The following FRG1 variants were observed in gnomAD, a reference collection of about 807,000 sequenced individuals.
The protein encoded by FRG1 is protein FRG1.
FRG1 carries 19 observed loss-of-function variants against 37.0 expected under a neutral mutation model. The observed-to-expected ratio is 0.51, with a 90% CI of 0.36 to 0.75. The LOEUF (loss-of-function observed/expected upper bound fraction) is 0.75, where lower values mean the gene tolerates loss of function less well. Among genes scored for constraint, FRG1 ranks in the 30% least tolerant of loss-of-function variants. The probability of loss-of-function intolerance (pLI) is 0.00; values close to 1 mark genes in which losing one functional copy is unlikely to be tolerated. For synonymous variants in FRG1, 73 were observed against 96.5 expected (o/e 0.76, Z 1.43); for missense variants, 243 against 301.4 (o/e 0.81, Z 1.44).
At chr4:189,954,616 A>G (rs1484968748) in intron 4 of FRG1, among the ~76,000 whole-genome samples, 1 of 147,694 alleles carries the variant, frequency 6.8e-6, no homozygotes, top group African/African-American at 2.5e-5. Context: ...TTTTAAAGGC[A>G]CAGAGTCTCA....
At chr4:189,943,052 A>G (rs1736384030) in intron 1 of FRG1, 150 bp from the exon 2 acceptor site, 1 of 772,460 alleles carries the variant, frequency 1.3e-6, no homozygotes, top group Admixed American at 3.0e-5. Context: ...ACTTCTCAGT[A>G]CTGTATTTAA....
rs575897080 is a variant in FRG1, at chr4:189,941,222, C to T, written c.62+151C>T. The T allele has an allele frequency of 8.9e-4, 631 of 706,098 alleles. 9 individuals carry two copies. The South Asian group carries it at 0.011, about 12-fold the overall frequency. 43.7% of individuals were successfully genotyped at this position (706,098 alleles called of 1,614,324 possible). On this transcript the variant is annotated intron_variant, in intron 1 of 8. Transcript: ENST00000226798. ...CTGTCCGGGCTGGACGGAGGCCGGGCCGCGGTTCCCGGCGTCTGTGCAGAG... is the reference window on the plus strand; with the variant it reads ...CTGTCCGGGCTGGACGGAGGCCGGGTCGCGGTTCCCGGCGTCTGTGCAGAG...
rs541845470 is a variant in FRG1 at position 189,950,720 on chromosome 4, A to G, written c.134-1442A>G. ...ACTATTCCATACATAGAAGAATATA[A>G]TGAGTCCCCCATGTGCCCAGGCCCC... On this transcript the variant is annotated intron_variant, in intron 2 of 8. Transcript: ENST00000226798. 2.0e-5 allele frequency among the ~76,000 whole-genome samples: 3 copies of G among 152,288 alleles called. No homozygotes were observed. The South Asian group carries it at 6.2e-4, about 32-fold the overall frequency.
intron 2 of FRG1, among the ~76,000 whole-genome samples, chr4:189,951,360 A>G (rs1389621220): frequency 2.0e-5 from 3 of 151,814 alleles, no homozygotes; most frequent in Admixed American, 1.3e-4. Context: ...GCATGGTGAT[A>G]GGCGCCTGTA....
At chr4:189,954,231 C>T (rs893390434) in intron 4 of FRG1, among the ~76,000 whole-genome samples, 1 of 151,914 alleles carries the variant, frequency 6.6e-6, no homozygotes, top group Admixed American at 6.6e-5. Flanking sequence ...TGATACAAAA[C>T]ATACTCTGTT....
chr4:189,942,919 A>G (rs1736379697), intron 1 of FRG1, among the ~76,000 whole-genome samples: 1 of 152,182 alleles, frequency 6.6e-6, no homozygotes, highest in South Asian at 2.1e-4. Context: ...TGACTCAGAG[A>G]GATTCAGTAC....
At chr4:189,956,038 G>C (rs1200518864) in intron 5 of FRG1, among the ~76,000 whole-genome samples, 1 of 152,160 alleles carries the variant, frequency 6.6e-6, no homozygotes, top group Non-Finnish European at 1.5e-5. Flanking sequence ...TCTTAACTCA[G>C]TGACTTGAAA....
intron 2 of FRG1, among the ~76,000 whole-genome samples, chr4:189,947,119 G>A (rs1232028924): frequency 6.6e-6 from 1 of 152,264 alleles, no homozygotes; most frequent in Non-Finnish European, 1.5e-5. Context: ...GCGGGATCCA[G>A]GCGTGAGCCG....
At chr4:189,956,181 C>CT (rs1248513808) in intron 5 of FRG1, among the ~76,000 whole-genome samples, 1 of 151,602 alleles carries the variant, frequency 6.6e-6, no homozygotes, top group Non-Finnish European at 1.5e-5. Flanking sequence ...TTCTTATTCT[C>CT]TTTTACCCCT....
Position 189,955,025 on chromosome 4 carries a change from A to G in FRG1, c.318-12A>G. ...TCAGTCTTTAACTTTTATCTATGTT[A>G]TTAATGTACAGAATCGCCCTGAAGT... is the stretch of plus-strand genomic sequence containing the variant. On this transcript the variant is annotated splice_polypyrimidine_tract_variant and intron_variant, in intron 4 of 8. Coordinates refer to ENST00000226798, the MANE Select transcript of FRG1 (RefSeq NM_004477.3). 6.6e-7 allele frequency: 1 copy of G among 1,514,412 alleles called. No homozygotes were observed. Among genetic ancestry groups the G allele is most frequent in the Non-Finnish European group, 9.2e-7 (1 of 1,090,030 alleles). 93.8% of individuals were successfully genotyped at this position (1,514,412 alleles called of 1,614,324 possible).
intron 2 of FRG1, among the ~76,000 whole-genome samples, chr4:189,946,780 C>T (rs542647602): frequency 6.6e-6 from 1 of 152,122 alleles, no homozygotes; most frequent in South Asian, 2.1e-4. Context: ...GGAGAACATA[C>T]TTTCTTAGTG....
intron 2 of FRG1, among the ~76,000 whole-genome samples, chr4:189,944,336 C>G (rs1442385115): frequency 6.6e-6 from 1 of 152,104 alleles, no homozygotes; most frequent in Admixed American, 6.6e-5. Context: ...GCCACCACAC[C>G]CGGCTAATTT....
intron 6 of FRG1, among the ~76,000 whole-genome samples, chr4:189,958,814 A>G (rs1055194156): frequency 6.6e-6 from 1 of 152,136 alleles, no homozygotes; most frequent in African/African-American, 2.4e-5. Flanking sequence ...CTGATCTTTA[A>G]TGATAAACAT....
intron 4 of FRG1, among the ~76,000 whole-genome samples, chr4:189,953,982 G>A (rs928377513): frequency 3.3e-5 from 5 of 152,032 alleles, no homozygotes; most frequent in African/African-American, 9.7e-5. Context: ...CTCTTCATAT[G>A]TATCTTGTAT....
At position 189,940,910 on chromosome 4, in the gene FRG1, T is replaced by C; in HGVS notation, c.-100T>C. On this transcript the variant is annotated 5_prime_UTR_variant, in exon 1 of 9. Transcript: ENST00000226798. ...ACGTAGGCTGTCAGGGAGTGTTTAT[T>C]TCGCGTCCGCTTCTGTTTCTCCGCG... 1 of 876,150 alleles carries C rather than the reference T, an allele frequency of 1.1e-6. No homozygotes were observed. The highest frequency in any genetic ancestry group is 1.5e-5 in the South Asian group (1 of 65,874). The allele number at this position is 876,150 out of a possible 1,614,324, so 54.3% of individuals were successfully genotyped here.
chr4:189,944,023 A>G (rs77525244), intron 2 of FRG1, among the ~76,000 whole-genome samples: 22 of 152,302 alleles, frequency 1.4e-4, no homozygotes, highest in African/African-American at 5.3e-4. Flanking sequence ...ATATAAGAAA[A>G]TGCCAAAAGT....
At chr4:189,945,687 G>A (rs1309065025) in intron 2 of FRG1, among the ~76,000 whole-genome samples, 6 of 152,078 alleles carry the variant, frequency 3.9e-5, no homozygotes, top group Non-Finnish European at 8.8e-5. Context: ...CTATATTGGT[G>A]TTGATGGGAG....
In FRG1 at chr4:189,941,027, C is replaced by T. The variant is rs2411530; in HGVS notation, c.18C>T (p.Tyr6=). The change falls in exon 1 of 9, where the codon TAC becomes TAT. Residue 6 remains tyrosine (Y), a synonymous_variant. Coordinates refer to ENST00000226798, the MANE Select transcript of FRG1 (RefSeq NM_004477.3). The part of the protein sequence containing the change: MAEYS[Y]VKSTKLVLKG... ...CCGGAGCCATGGCCGAGTACTCCTA[C>T]GTGAAGTCTACCAAGCTCGTGCTCA... 0.34 allele frequency: 545,126 copies of T among 1,609,102 alleles called. 100,625 individuals carry two copies. Among genetic ancestry groups the T allele is most frequent in the African/African-American group, 0.74 (55,034 of 74,844 alleles).
At chr4:189,947,956 A>G (rs1561066202) in intron 2 of FRG1, among the ~76,000 whole-genome samples, 1 of 152,170 alleles carries the variant, frequency 6.6e-6, no homozygotes, top group African/African-American at 2.4e-5. Flanking sequence ...TCCTGTTCTC[A>G]AATATCACAG....
Sources: gnomAD v4.1 joint callset for allele counts (sites outside exome capture counted in the v4.1 genomes callset) on GRCh38, gnomAD v4.1.1 for gene constraint, MANE v1.5 for transcripts, NCBI Gene and HGNC (gene_info 2026-07-23, HGNC 2026-07-21) for gene names.